RABGAP1L: variants seen among roughly 807,000 people sequenced by gnomAD.
RABGAP1L encodes RAB GTPase activating protein 1 like.
Under a neutral mutation model 137.7 loss-of-function variants are expected in RABGAP1L, and 63 were observed. That is an observed-to-expected ratio of 0.46 (90% CI 0.37 to 0.56). RABGAP1L has a LOEUF of 0.56. Among genes scored for constraint, RABGAP1L ranks in the 20% least tolerant of loss-of-function variants. The pLI is 0.00. For missense variants in RABGAP1L, 1,095 were observed against 1,244.0 expected, an observed-to-expected ratio of 0.88 and a Z score of 1.80; for synonymous variants, 431 against 433.7, an observed-to-expected ratio of 0.99 and a Z score of 0.08.
At position 174,168,376 on chromosome 1, in the gene RABGAP1L, T is replaced by C. The variant is rs183121976; in HGVS notation, c.-34+8719T>C. 4.3e-4 allele frequency among the ~76,000 whole-genome samples: 65 copies of C among 151,436 alleles called. No individual in the cohort carries two copies. The East Asian group carries it at 0.01, about 24-fold the overall frequency. Reference sequence around the variant, plus strand: ...AGGTTATATATATATTGGCAGACAGTAGGGTTTCTGAAGTTGTTTTAGAAT... The same window carrying C: ...AGGTTATATATATATTGGCAGACAGCAGGGTTTCTGAAGTTGTTTTAGAAT... On this transcript the variant is annotated intron_variant, in intron 1 of 25. Coordinates refer to ENST00000681986, the MANE Select transcript of RABGAP1L (RefSeq NM_001366446.1).
At chr1:174,344,657 G>A (rs1304211345) in intron 11 of RABGAP1L, among the ~76,000 whole-genome samples, 1 of 152,140 alleles carries the variant, frequency 6.6e-6, no homozygotes, top group Non-Finnish European at 1.5e-5. Context: ...CCTTGTGAGT[G>A]CACTGGCCAC....
intron 7 of RABGAP1L, among the ~76,000 whole-genome samples, chr1:174,262,598 A>G (rs1673669230): frequency 6.6e-6 from 1 of 152,206 alleles, no homozygotes; most frequent in African/African-American, 2.4e-5. Context: ...TGGCATTGGT[A>G]CAATTTGCAG....
At chr1:174,878,746 G>C (rs1382458498) in intron 19 of RABGAP1L, among the ~76,000 whole-genome samples, 1 of 151,882 alleles carries the variant, frequency 6.6e-6, no homozygotes, top group Non-Finnish European at 1.5e-5. Context: ...GAAAGCTATA[G>C]ATTGATTTTA....
intron 12 of RABGAP1L, among the ~76,000 whole-genome samples, chr1:174,386,281 C>A (rs984636984): frequency 3.9e-5 from 6 of 152,134 alleles, no homozygotes; most frequent in Non-Finnish European, 8.8e-5. Context: ...ATTATATCTT[C>A]ATTTTAGAGG....
chr1:174,966,982 C>T (rs912812961), intron 20 of RABGAP1L, among the ~76,000 whole-genome samples: 1 of 151,754 alleles, frequency 6.6e-6, no homozygotes, highest in African/African-American at 2.4e-5. Flanking sequence ...AATATATATT[C>T]ATTGTAGAAA....
intron 13 of RABGAP1L, among the ~76,000 whole-genome samples, chr1:174,474,990 G>A (rs1553310894): frequency 1.3e-5 from 2 of 151,846 alleles, no homozygotes; most frequent in Non-Finnish European, 2.9e-5. Flanking sequence ...GTGTTTTAAT[G>A]TATGATTGTA....
intron 13 of RABGAP1L, among the ~76,000 whole-genome samples, chr1:174,576,220 C>T (rs547333333): frequency 1.3e-5 from 2 of 152,218 alleles, no homozygotes; most frequent in East Asian, 1.9e-4. Context: ...AGGGAGTATG[C>T]CTTAACCCTA....
chr1:174,907,874 G>A (rs1348237596), intron 19 of RABGAP1L, among the ~76,000 whole-genome samples: 2 of 152,132 alleles, frequency 1.3e-5, no homozygotes, highest in African/African-American at 4.8e-5. Context: ...CCATACAGTG[G>A]CTGAATGGGT....
intron 15 of RABGAP1L, among the ~76,000 whole-genome samples, chr1:174,692,403 A>T (rs1362698392): frequency 6.6e-6 from 1 of 152,232 alleles, no homozygotes; most frequent in Non-Finnish European, 1.5e-5. Flanking sequence ...TTAAAAGATC[A>T]GTAATATTTT....
chr1:174,480,261 C>T (rs1321099808), intron 13 of RABGAP1L, among the ~76,000 whole-genome samples: 9 of 152,136 alleles, frequency 5.9e-5, no homozygotes. Flanking sequence ...TTGTCAGAAA[C>T]AGTGCCATTT....
At chr1:174,308,212 G>C (rs192786894) in intron 11 of RABGAP1L, among the ~76,000 whole-genome samples, 5 of 151,804 alleles carry the variant, frequency 3.3e-5, no homozygotes, top group Admixed American at 3.3e-4. Flanking sequence ...ATTTACATAT[G>C]TATGTGTATA....
At chr1:174,330,872 A>G (rs1267684428) in intron 11 of RABGAP1L, among the ~76,000 whole-genome samples, 1 of 152,216 alleles carries the variant, frequency 6.6e-6, no homozygotes, top group Non-Finnish European at 1.5e-5. Context: ...AAGACCCTAA[A>G]TAGGCCAAGC....
intron 1 of RABGAP1L, among the ~76,000 whole-genome samples, chr1:174,213,609 A>G (rs1022223330): frequency 5.9e-5 from 9 of 152,218 alleles, no homozygotes; most frequent in African/African-American, 2.2e-4. Context: ...ACAGGAACAC[A>G]TTAGAAAGAT....
intron 18 of RABGAP1L, among the ~76,000 whole-genome samples, chr1:174,755,017 A>G (rs1684622872): frequency 6.6e-6 from 1 of 152,248 alleles, no homozygotes; most frequent in Admixed American, 6.5e-5. Context: ...TAGCCAGAGA[A>G]AACATCTAAT....
intron 17 of RABGAP1L, among the ~76,000 whole-genome samples, chr1:174,727,640 G>A (rs1392266862): frequency 1.3e-5 from 2 of 152,170 alleles, no homozygotes; most frequent in Non-Finnish European, 2.9e-5. Context: ...TCAACAATAA[G>A]TTATTGTATA....
At chr1:174,324,157 A>G (rs1223668210) in intron 11 of RABGAP1L, among the ~76,000 whole-genome samples, 1 of 152,124 alleles carries the variant, frequency 6.6e-6, no homozygotes, top group Non-Finnish European at 1.5e-5. Flanking sequence ...GCTAAATTAG[A>G]TCAATATTCA....
intron 18 of RABGAP1L, among the ~76,000 whole-genome samples, chr1:174,767,337 C>G (rs1685751839): frequency 6.6e-6 from 1 of 152,092 alleles, no homozygotes; most frequent in African/African-American, 2.4e-5. Context: ...GGTTTTTTCA[C>G]ATTTATTTAG....
chr1:174,448,673 G>A lies in RABGAP1L; in HGVS notation c.1710+54528G>A, dbSNP rs770693769. ...CTGGGGGAAACCTGGTTACCATGGT[G>A]ACATTTTTGAATGGTGTGCCACGTC... is the stretch of plus-strand genomic sequence containing the variant. On this transcript the variant is annotated intron_variant, in intron 13 of 25. Coordinates refer to ENST00000681986, the MANE Select transcript of RABGAP1L (RefSeq NM_001366446.1). The surrounding 1 kb of genome is among the most constrained non-coding windows in gnomAD (Gnocchi z 4.2). 1 of 1,613,944 alleles carries A rather than the reference G, an allele frequency of 6.2e-7. No homozygotes were observed. The highest frequency in any genetic ancestry group is 8.5e-7 in the Non-Finnish European group (1 of 1,179,860).
At chr1:174,650,407 C>A (rs530482605) in intron 14 of RABGAP1L, among the ~76,000 whole-genome samples, 6 of 152,062 alleles carry the variant, frequency 3.9e-5, no homozygotes, top group Non-Finnish European at 7.4e-5. Flanking sequence ...TCAGAAGGAA[C>A]GGTACCAGTT....
Sources: gnomAD v4.1 joint callset for allele counts (sites outside exome capture counted in the v4.1 genomes callset) on GRCh38, gnomAD v4.1.1 for gene constraint, Gnocchi (gnomAD v3.1) non-coding constraint, MANE v1.5 for transcripts, NCBI Gene and HGNC (gene_info 2026-07-23, HGNC 2026-07-21) for gene names.